Variants in DENND4A observed in about 807,000 individuals in gnomAD.
DENND4A encodes C-myc promoter-binding protein.
DENND4A carries 70 observed loss-of-function variants against 199.3 expected under a neutral mutation model. That is an observed-to-expected ratio of 0.35 (90% CI 0.29 to 0.43). The LOEUF (loss-of-function observed/expected upper bound fraction) is 0.43. Among genes scored for constraint, DENND4A ranks in the 20% least tolerant of loss-of-function variants. The pLI is 1.00. For missense variants in DENND4A, 1,723 were observed against 2,255.8 expected (o/e 0.76, Z 4.78); for synonymous variants, 686 against 766.9 (o/e 0.89, Z 1.74).
chr15:65,707,849 C>T (rs543195459), intron 14 of DENND4A, among the ~76,000 whole-genome samples: 1 of 152,162 alleles, frequency 6.6e-6, no homozygotes, highest in South Asian at 2.1e-4. Flanking sequence ...CCACACCCAG[C>T]TAATTTTTAT....
At chr15:65,757,262 T>TGCG (rs1491331193) in intron 2 of DENND4A, among the ~76,000 whole-genome samples, 3 of 102,858 alleles carry the variant, frequency 2.9e-5, no homozygotes, top group Admixed American at 1.0e-4. Context: ...TCTTCTGAGA[T>TGCG]GGGGGGGGGG....
At chr15:65,787,265 T>C (rs979257375) in intron 1 of DENND4A, among the ~76,000 whole-genome samples, 2 of 152,238 alleles carry the variant, frequency 1.3e-5, no homozygotes, top group African/African-American at 4.8e-5. Flanking sequence ...CTTATGTATG[T>C]ATATACACTT....
At chr15:65,762,440 A>T (rs2076875199) in intron 1 of DENND4A, among the ~76,000 whole-genome samples, 1 of 152,084 alleles carries the variant, frequency 6.6e-6, no homozygotes, top group Non-Finnish European at 1.5e-5. Context: ...CCTGGGCAAT[A>T]TAGTGAGGCC....
At chr15:65,728,374 T>A (rs1447823823) in intron 11 of DENND4A, among the ~76,000 whole-genome samples, 2 of 152,194 alleles carry the variant, frequency 1.3e-5, no homozygotes, top group Non-Finnish European at 2.9e-5. Context: ...AGAATGGTGT[T>A]TTAATTCAAT....
intron 14 of DENND4A, among the ~76,000 whole-genome samples, chr15:65,711,736 G>A (rs1485824819): frequency 6.6e-6 from 1 of 152,164 alleles, no homozygotes; most frequent in East Asian, 1.9e-4. Context: ...TGTATCTACT[G>A]TTTGTATATC....
At chr15:65,688,358 T>C (rs1048204948) in intron 23 of DENND4A, among the ~76,000 whole-genome samples, 12 of 152,218 alleles carry the variant, frequency 7.9e-5, no homozygotes, top group Admixed American at 3.9e-4. Flanking sequence ...TGGAGTTGTC[T>C]TTTCCTTGAG....
In DENND4A at chr15:65,690,811, A is replaced by G. The variant is rs771304948; in HGVS notation, c.3783T>C (p.Ser1261=). ...EIVMYMNNMS[S]PLTSRTPSID... ...TGCTTGGTGTACGACTTGTCAAAGG[A>G]CTGCTCATGTTATTCATATACATCA... The change falls in exon 23 of 33, where the codon AGT becomes AGC. Residue 1261 remains serine (S), a synonymous_variant. Coordinates refer to ENST00000443035, the MANE Select transcript of DENND4A (RefSeq NM_001320835.1). The G allele has an allele frequency of 2.5e-6, 4 of 1,613,448 alleles. No homozygotes were observed. Among genetic ancestry groups the G allele is most frequent in the Non-Finnish European group, 3.4e-6 (4 of 1,179,742 alleles).
intron 14 of DENND4A, among the ~76,000 whole-genome samples, chr15:65,708,297 C>G (rs1290805722): frequency 6.6e-6 from 1 of 152,172 alleles, no homozygotes; most frequent in African/African-American, 2.4e-5. Flanking sequence ...GAATGAGCCA[C>G]CATGCTCAGC....
At chr15:65,694,360 A>C (rs1032878098) in intron 22 of DENND4A, among the ~76,000 whole-genome samples, 1 of 152,074 alleles carries the variant, frequency 6.6e-6, no homozygotes, top group Non-Finnish European at 1.5e-5. Flanking sequence ...GAGACATGAG[A>C]ATTGCTTGAA....
At chr15:65,744,152 T>C (rs1327723224) in intron 4 of DENND4A, among the ~76,000 whole-genome samples, 2 of 152,072 alleles carry the variant, frequency 1.3e-5, no homozygotes, top group East Asian at 1.9e-4. Context: ...TCTGGGTATA[T>C]TCTGAAAATA....
intron 23 of DENND4A, chr15:65,680,735 A>C (rs1462864757): frequency 1.3e-5 from 2 of 152,166 alleles, no homozygotes; most frequent in African/African-American, 2.4e-5. Context: ...CACCTCAACA[A>C]AACAAATGTC....
chr15:65,676,675 A>T (rs1157086052), intron 23 of DENND4A, 41 bp from the exon 24 acceptor site: 3 of 1,493,526 alleles, frequency 2.0e-6, no homozygotes. Flanking sequence ...GTACATTTAA[A>T]GGTAATTAAT....
chr15:65,728,776 A>T (rs1364723115), intron 11 of DENND4A, among the ~76,000 whole-genome samples: 2 of 152,126 alleles, frequency 1.3e-5, no homozygotes, highest in African/African-American at 4.8e-5. Context: ...GGCATGAGCC[A>T]CCGCGCCCGG....
chr15:65,771,425 C>G (rs2077121381), intron 1 of DENND4A: 8 of 1,589,480 alleles, frequency 5.0e-6, no homozygotes, highest in Non-Finnish European at 6.9e-6. Context: ...ATAATAAACA[C>G]CACCCAAGTT....
intron 13 of DENND4A, among the ~76,000 whole-genome samples, chr15:65,716,225 CT>C (rs566586671): frequency 5.5e-4 from 81 of 148,022 alleles, no homozygotes; most frequent in Middle Eastern, 3.5e-3. Flanking sequence ...TAATTTCTTT[CT>C]TTTTTTTTTC....
In DENND4A at chr15:65,763,653, C is replaced by CTGGTG. The variant is rs1182539654; in HGVS notation, c.-101-2216_-101-2215insCACCA. The stretch of plus-strand genomic sequence containing the variant: ...TTCACACCACTGCACTCCAGCCAGC[C>CTGGTG]TGAGTGACCAAGCAAGACCTTGTCT... On this transcript the variant is annotated intron_variant, in intron 1 of 32. Transcript: ENST00000443035. 3.6e-5 allele frequency among the ~76,000 whole-genome samples: 5 copies of CTGGTG among 139,474 alleles called. No individual in the cohort carries two copies. In the East Asian group the frequency reaches 1.0e-3, roughly 28 times the overall value. 91.5% of individuals were successfully genotyped at this position (139,474 alleles called of 152,430 possible). A position where few individuals can be genotyped will look rare whatever the true frequency, so the allele number is the denominator to read the frequency against.
At position 65,690,470 on chromosome 15, in the gene DENND4A, G is replaced by GC; in HGVS notation, c.4123dup (p.Ala1375GlyfsTer19). ...TGAATACCATTTGCTTGCTTTCTCT[G>GC]CAACTCCTTTTCCAGCAGTGAACAT... On this transcript the variant is annotated frameshift_variant, in exon 23 of 33. Coordinates refer to ENST00000443035, the MANE Select transcript of DENND4A (RefSeq NM_001320835.1). LOFTEE classifies it high-confidence loss of function. The GC allele has an allele frequency of 6.2e-7, 1 of 1,608,550 alleles. No individual in the cohort carries two copies. The highest frequency in any genetic ancestry group is 8.5e-7 in the Non-Finnish European group (1 of 1,177,476).
chr15:65,720,600 CG>C (rs2075587000), intron 12 of DENND4A, among the ~76,000 whole-genome samples: 1 of 151,584 alleles, frequency 6.6e-6, no homozygotes, highest in South Asian at 2.1e-4. Context: ...TTAGTAGAGA[CG>C]GGGTTTTACT....
intron 7 of DENND4A, among the ~76,000 whole-genome samples, chr15:65,734,178 T>G (rs1220210579): frequency 1.3e-5 from 2 of 152,198 alleles, no homozygotes; most frequent in Non-Finnish European, 2.9e-5. Context: ...CAATGGAATG[T>G]CTCGGTATAA....
Sources: allele counts gnomAD v4.1 joint callset (sites outside exome capture counted in the v4.1 genomes callset), GRCh38; gene constraint gnomAD v4.1.1; transcripts MANE v1.5; gene names NCBI Gene and HGNC (gene_info 2026-07-23, HGNC 2026-07-21).